Variants in PTPRQ observed in about 807,000 individuals in gnomAD.
PTPRQ encodes the protein phosphatidylinositol phosphatase PTPRQ.
Under a neutral mutation model 246.0 loss-of-function variants are expected in PTPRQ, and 199 were observed. The observed-to-expected ratio is 0.81, with a 90% CI of 0.72 to 0.91. The LOEUF is 0.91. PTPRQ is among the 40% of genes least tolerant of loss of function. The probability of loss-of-function intolerance (pLI) is 0.00; values close to 1 mark genes in which losing one functional copy is unlikely to be tolerated. For synonymous variants in PTPRQ, 869 were observed against 853.2 expected (o/e 1.02, Z -0.32); for missense variants, 2,624 against 2,528.4 (o/e 1.04, Z -0.81).
chr12:80,473,988 A>G (rs1367094862), intron 8 of PTPRQ, among the ~76,000 whole-genome samples: 1 of 152,184 alleles, frequency 6.6e-6, no homozygotes, highest in Non-Finnish European at 1.5e-5. Context: ...TGGTTCTTAT[A>G]TCCTCATGTC....
chr12:80,678,441 G>A (rs1431485371), intron 43 of PTPRQ, among the ~76,000 whole-genome samples, 161 bp from the exon 44 acceptor site: 1 of 152,094 alleles, frequency 6.6e-6, no homozygotes, highest in East Asian at 1.9e-4. Context: ...CCTCCTATTT[G>A]AAATGGTAGA....
chr12:80,498,345 T>G (rs917983328), intron 14 of PTPRQ, among the ~76,000 whole-genome samples: 1 of 152,084 alleles, frequency 6.6e-6, no homozygotes, highest in Non-Finnish European at 1.5e-5. Context: ...TATTGTTATC[T>G]TCACAGAAAA....
chr12:80,577,719 G>T (rs1039573572), intron 25 of PTPRQ, among the ~76,000 whole-genome samples: 2 of 152,028 alleles, frequency 1.3e-5, no homozygotes, highest in Non-Finnish European at 2.9e-5. Context: ...GGCCCCAATT[G>T]TCCAACTATA....
In PTPRQ at chr12:80,582,339, G is replaced by C. The variant is rs151246122; in HGVS notation, c.4286-5790G>C. Among the ~76,000 whole-genome samples the C allele has an allele frequency of 1.1e-4, 16 of 152,258 alleles. 2 individuals carry two copies. Among genetic ancestry groups the C allele is most frequent in the African/African-American group, 3.9e-4 (16 of 41,536 alleles). Reference sequence around the variant, plus strand: ...TAGACATTGCCTTTTACTCTCAAAAGTGACCTGTCTGTATAACAAATAATT... The same window carrying C: ...TAGACATTGCCTTTTACTCTCAAAACTGACCTGTCTGTATAACAAATAATT... On this transcript the variant is annotated intron_variant, in intron 25 of 44. Transcript: ENST00000644991.
At chr12:80,612,295 G>T (rs1388909375) in intron 28 of PTPRQ, among the ~76,000 whole-genome samples, 19 of 149,990 alleles carry the variant, frequency 1.3e-4, no homozygotes. Flanking sequence ...ACTATATAAA[G>T]AACTCTTAAA....
intron 19 of PTPRQ, 32 bp from the exon 20 acceptor site, chr12:80,539,744 C>A: frequency 6.7e-7 from 1 of 1,494,448 alleles, no homozygotes; most frequent in Non-Finnish European, 8.9e-7. Flanking sequence ...TAAAAAAATA[C>A]ATTCTGAACA....
At chr12:80,502,397 G>A (rs1894828502) in intron 14 of PTPRQ, among the ~76,000 whole-genome samples, 1 of 151,820 alleles carries the variant, frequency 6.6e-6, no homozygotes, top group South Asian at 2.1e-4. Context: ...AAAAACATTA[G>A]CTATCAGGAA....
At chr12:80,488,630 T>C (rs777173771) in intron 9 of PTPRQ, among the ~76,000 whole-genome samples, 52 of 152,014 alleles carry the variant, frequency 3.4e-4, no homozygotes, top group Admixed American at 6.6e-4. Context: ...AGGGAGGGTA[T>C]AAACAGGGAA....
chr12:80,661,967 A>G (rs1188491544), intron 39 of PTPRQ, among the ~76,000 whole-genome samples: 3 of 151,940 alleles, frequency 2.0e-5, no homozygotes, highest in African/African-American at 7.2e-5. Flanking sequence ...CCTGCTCTAC[A>G]GGGTACACTA....
chr12:80,668,645 G>A (rs575284225), intron 39 of PTPRQ, among the ~76,000 whole-genome samples: 13 of 151,884 alleles, frequency 8.6e-5, no homozygotes, highest in Admixed American at 2.6e-4. Flanking sequence ...CATAATATTA[G>A]TACTAATTCA....
chr12:80,509,043 G>T (rs556783382), intron 16 of PTPRQ, among the ~76,000 whole-genome samples: 39 of 152,094 alleles, frequency 2.6e-4, no homozygotes, highest in African/African-American at 9.4e-4. Context: ...AAATGAAAGA[G>T]AATTTTCAGA....
intron 9 of PTPRQ, among the ~76,000 whole-genome samples, chr12:80,488,686 T>C (rs1170247058): frequency 6.6e-6 from 1 of 152,034 alleles, no homozygotes; most frequent in African/African-American, 2.4e-5. Flanking sequence ...TTTGTAGCCA[T>C]GTAGATATAA....
intron 9 of PTPRQ, among the ~76,000 whole-genome samples, chr12:80,488,848 T>C (rs1894361321): frequency 6.6e-6 from 1 of 152,064 alleles, no homozygotes; most frequent in Non-Finnish European, 1.5e-5. Context: ...GTATAAGATT[T>C]TACTGTTAAT....
chr12:80,548,264 A>C (rs1197336117), intron 24 of PTPRQ, among the ~76,000 whole-genome samples: 2 of 152,106 alleles, frequency 1.3e-5, no homozygotes, highest in Non-Finnish European at 2.9e-5. Flanking sequence ...GAGGTTCAAA[A>C]AATCAGGAAA....
chr12:80,649,031 A>C, intron 36 of PTPRQ, 108 bp downstream of exon 36: 1 of 1,051,062 alleles, frequency 9.5e-7, no homozygotes, highest in Non-Finnish European at 1.3e-6. Flanking sequence ...TGTTGGAAAA[A>C]CCTCCAAGCT....
At chr12:80,628,972 C>T (rs1428943972) in intron 33 of PTPRQ, among the ~76,000 whole-genome samples, 1 of 152,116 alleles carries the variant, frequency 6.6e-6, no homozygotes, top group Non-Finnish European at 1.5e-5. Flanking sequence ...TATTTCCTCA[C>T]AGTCCAGAAG....
In PTPRQ at chr12:80,472,189, C is replaced by A; in HGVS notation, c.1124C>A (p.Ala375Glu). ...TTTACAATGTATGATGTCTATATTG[C>A]GGCTGAAACCAGTGCAGGGACTGGG... is the stretch of plus-strand genomic sequence containing the variant. ...TPFTMYDVYI[A>E]AETSAGTGPK... Residue 375 changes from alanine (A) to glutamate (E), a missense_variant, in exon 8 of 45, where the codon GCG (alanine) becomes GAG (glutamate). Transcript: ENST00000644991. The A allele has an allele frequency of 6.4e-7, 1 of 1,551,448 alleles. No homozygotes were observed. The highest frequency in any genetic ancestry group is 8.7e-7 in the Non-Finnish European group (1 of 1,146,916).
At chr12:80,511,568 C>T (rs1168144025) in intron 17 of PTPRQ, among the ~76,000 whole-genome samples, 2 of 152,252 alleles carry the variant, frequency 1.3e-5, no homozygotes, top group East Asian at 3.9e-4. Flanking sequence ...TACCCATAAA[C>T]AAGCAAACAA....
At chr12:80,549,260 T>G (rs1196103243) in intron 24 of PTPRQ, among the ~76,000 whole-genome samples, 4 of 152,150 alleles carry the variant, frequency 2.6e-5, no homozygotes, top group African/African-American at 9.6e-5. Context: ...AATACTGTAA[T>G]GATTAATACA....
Sources: gnomAD v4.1 joint callset for allele counts (sites outside exome capture counted in the v4.1 genomes callset) on GRCh38, gnomAD v4.1.1 for gene constraint, MANE v1.5 for transcripts, NCBI Gene and HGNC (gene_info 2026-07-23, HGNC 2026-07-21) for gene names.